CTNND2: variants seen among roughly 807,000 people sequenced by gnomAD.
CTNND2 encodes the protein catenin delta 2, also known as catenin delta-2.
In CTNND2, 22 loss-of-function variants were observed where a neutral mutation model predicts 144.4. The observed-to-expected ratio is 0.15, with a 90% confidence interval of 0.11 to 0.22. CTNND2 has a LOEUF of 0.22. CTNND2 is among the 10% of genes least tolerant of loss of function. CTNND2 has a pLI of 1.00. For synonymous variants in CTNND2, 751 were observed against 695.6 expected (o/e 1.08, Z -1.25); for missense variants, 1,353 against 1,618.8 (o/e 0.84, Z 2.82).
chr5:11,678,830 C>G (rs1027161988), intron 2 of CTNND2, among the ~76,000 whole-genome samples: 4 of 151,968 alleles, frequency 2.6e-5, no homozygotes, highest in African/African-American at 9.7e-5. Context: ...ATCCAGAGTA[C>G]TGGAGTTTTT....
intron 2 of CTNND2, among the ~76,000 whole-genome samples, chr5:11,660,117 G>A (rs1326523096): frequency 6.6e-6 from 1 of 152,072 alleles, no homozygotes; most frequent in Non-Finnish European, 1.5e-5. Flanking sequence ...AGCAGTTTGT[G>A]CTTGAAGAAG....
chr5:11,235,609 A>G (rs1294366203), intron 10 of CTNND2, among the ~76,000 whole-genome samples: 1 of 152,128 alleles, frequency 6.6e-6, no homozygotes, highest in African/African-American at 2.4e-5. Flanking sequence ...GATCTCTACA[A>G]GGGATACCCA....
At chr5:11,455,139 A>G (rs1457835682) in intron 3 of CTNND2, among the ~76,000 whole-genome samples, 1 of 151,788 alleles carries the variant, frequency 6.6e-6, no homozygotes, top group East Asian at 1.9e-4. Flanking sequence ...AATGCATAGC[A>G]CTAGATCCTT....
chr5:11,151,061 T>C (rs1438584304), intron 12 of CTNND2, among the ~76,000 whole-genome samples: 1 of 152,230 alleles, frequency 6.6e-6, no homozygotes, highest in East Asian at 1.9e-4. Context: ...TGGACTCTGC[T>C]TGTTCTGTGA....
Position 11,894,344 on chromosome 5 carries a change from A to G in CTNND2, c.37+9473T>C, listed in dbSNP as rs540704927. On this transcript the variant is annotated intron_variant, in intron 1 of 21. Coordinates refer to ENST00000304623, the MANE Select transcript of CTNND2 (RefSeq NM_001332.4). ...AAGAAACTTTTTGGGCCAATTTTGT[A>G]TAACTTACAATATTTGAAGTGGTAT... is the stretch of plus-strand genomic sequence containing the variant. Among the ~76,000 whole-genome samples the G allele has an allele frequency of 3.9e-5, 6 of 152,344 alleles. No individual in the cohort carries two copies. The South Asian group carries it at 8.3e-4, about 21-fold the overall frequency.
intron 1 of CTNND2, among the ~76,000 whole-genome samples, chr5:11,738,792 G>T (rs917161959): frequency 6.6e-6 from 1 of 152,058 alleles, no homozygotes; most frequent in Non-Finnish European, 1.5e-5. Flanking sequence ...CAATTTTCCA[G>T]TAAGTTCCTG....
At chr5:11,233,248 C>T (rs542536064) in intron 10 of CTNND2, among the ~76,000 whole-genome samples, 9 of 152,054 alleles carry the variant, frequency 5.9e-5, no homozygotes, top group South Asian at 4.2e-4. Context: ...TGCTGACTTA[C>T]GGAAGCAAAT....
At chr5:11,304,982 T>C (rs26476) in intron 9 of CTNND2, among the ~76,000 whole-genome samples, 4,474 of 152,306 alleles carry the variant, frequency 0.029, 248 homozygotes, top group African/African-American at 0.1. Context: ...GCTGAATGAA[T>C]GCATCTCGGC....
At chr5:11,050,005 T>C (rs542916398) in intron 16 of CTNND2, among the ~76,000 whole-genome samples, 1 of 152,322 alleles carries the variant, frequency 6.6e-6, no homozygotes, top group South Asian at 2.1e-4. Context: ...TGAAGGAGTC[T>C]AGCAAGTTGA....
chr5:11,513,943 A>G (rs959212728), intron 3 of CTNND2, among the ~76,000 whole-genome samples: 8 of 152,192 alleles, frequency 5.3e-5, no homozygotes, highest in African/African-American at 1.9e-4. Flanking sequence ...TTCCATTTCT[A>G]TATATTTATA....
chr5:11,553,310 T>C (rs1452375982), intron 3 of CTNND2, among the ~76,000 whole-genome samples: 2 of 152,222 alleles, frequency 1.3e-5, no homozygotes, highest in Admixed American at 6.5e-5. Flanking sequence ...TTGTCTAGAC[T>C]ATATTATGAA....
At chr5:11,312,145 CCA>C (rs1309003711) in intron 9 of CTNND2, among the ~76,000 whole-genome samples, 2 of 134,316 alleles carry the variant, frequency 1.5e-5, no homozygotes, top group African/African-American at 5.5e-5. Flanking sequence ...CTCTCCCCCA[CCA>C]CACACACACT....
chr5:11,892,836 C>T lies in CTNND2; in HGVS notation c.37+10981G>A, dbSNP rs1456628544. ...ATATTCCAAGAATCAGTGAACACGA[C>T]GAAATCTACTACTGGTCCAAAAATC... On this transcript the variant is annotated intron_variant, in intron 1 of 21. Transcript: ENST00000304623. Among the ~76,000 whole-genome samples, 9 of 152,278 alleles carry T rather than the reference C, an allele frequency of 5.9e-5. No homozygotes were observed. The South Asian group carries it at 1.2e-3, about 21-fold the overall frequency.
At position 11,491,875 on chromosome 5, in the gene CTNND2, T is replaced by A. The variant is rs77614260; in HGVS notation, c.287+73069A>T. Among the ~76,000 whole-genome samples the A allele has an allele frequency of 4.4e-3, 669 of 152,294 alleles. 6 individuals are homozygous for A. Among genetic ancestry groups the A allele is most frequent in the African/African-American group, 0.015 (639 of 41,566 alleles). On this transcript the variant is annotated intron_variant, in intron 3 of 21. Coordinates refer to ENST00000304623, the MANE Select transcript of CTNND2 (RefSeq NM_001332.4). The stretch of plus-strand genomic sequence containing the variant: ...GACTCAGCAACTACTTGTGACGCAT[T>A]CTAGTTACCATTGAACATTTGGTTC...
At chr5:11,431,884 C>T (rs756910602) in intron 3 of CTNND2, among the ~76,000 whole-genome samples, 4 of 152,112 alleles carry the variant, frequency 2.6e-5, no homozygotes, top group East Asian at 1.9e-4. Flanking sequence ...CACAATAACA[C>T]GCACAGCACG....
chr5:11,778,747 G>A (rs796842935), intron 1 of CTNND2, among the ~76,000 whole-genome samples: 13 of 152,248 alleles, frequency 8.5e-5, no homozygotes, highest in African/African-American at 3.1e-4. Flanking sequence ...AAACATTGAG[G>A]AAATATGAAT....
At chr5:11,129,307 T>TATAAATATATA (rs1181916324) in intron 12 of CTNND2, among the ~76,000 whole-genome samples, 2 of 96,896 alleles carry the variant, frequency 2.1e-5, no homozygotes, top group African/African-American at 8.8e-5. Flanking sequence ...ATATATTATA[T>TATAAATATATA]ATATAAATAT....
At chr5:11,349,509 G>C (rs1755118136) in intron 8 of CTNND2, among the ~76,000 whole-genome samples, 1 of 152,150 alleles carries the variant, frequency 6.6e-6, no homozygotes. Flanking sequence ...GGTTTCTAGA[G>C]TTCATGCTCA....
At chr5:11,620,724 T>C (rs190561255) in intron 2 of CTNND2, among the ~76,000 whole-genome samples, 17 of 152,268 alleles carry the variant, frequency 1.1e-4, no homozygotes, top group Admixed American at 5.9e-4. Context: ...GGGTCTATTA[T>C]CTGTTTTGAA....
Sources: gnomAD v4.1 joint callset for allele counts (sites outside exome capture counted in the v4.1 genomes callset) on GRCh38, gnomAD v4.1.1 for gene constraint, MANE v1.5 for transcripts, NCBI Gene and HGNC (gene_info 2026-07-23, HGNC 2026-07-21) for gene names.